The following NALCN variants were observed in gnomAD, a reference collection of about 807,000 sequenced individuals.
NALCN encodes sodium leak channel NALCN.
Under a neutral mutation model 225.3 loss-of-function variants are expected in NALCN, and 111 were observed. The observed-to-expected ratio is 0.49, with a 90% CI of 0.42 to 0.58. NALCN has a LOEUF of 0.58. Among genes scored for constraint, NALCN ranks in the 20% least tolerant of loss-of-function variants. The pLI is 0.00. For synonymous variants in NALCN, 764 were observed against 769.0 expected (o/e 0.99, Z 0.11); for missense variants, 1,378 against 2,202.4 (o/e 0.63, Z 7.49).
chr13:101,269,604 T>C lies in NALCN; in HGVS notation c.1135-11030A>G, dbSNP rs557028565. Among the ~76,000 whole-genome samples, 208 of 152,214 alleles carry C rather than the reference T, an allele frequency of 1.4e-3. 1 individual carries two copies. In the Middle Eastern group the frequency reaches 0.017, roughly 12 times the overall value. ...ATCTTTGGCATGTATTAATACAAAG[T>C]GAGTAAAACAAATTAGGACACTAGA... On this transcript the variant is annotated intron_variant, in intron 10 of 43. Coordinates refer to ENST00000251127, the MANE Select transcript of NALCN (RefSeq NM_052867.4).
At chr13:101,386,755 C>T (rs928469001) in intron 3 of NALCN, among the ~76,000 whole-genome samples, 1 of 152,022 alleles carries the variant, frequency 6.6e-6, no homozygotes, top group African/African-American at 2.4e-5. Context: ...CATTGGATAA[C>T]ACTACTTTAA....
chr13:101,254,869 C>G (rs1424868978), intron 11 of NALCN, among the ~76,000 whole-genome samples: 1 of 51,168 alleles, frequency 2.0e-5, no homozygotes, highest in African/African-American at 5.6e-5. Context: ...CCAGCCTGGG[C>G]GACAGAGCGA....
chr13:101,326,933 A>G (rs753287952), intron 7 of NALCN, among the ~76,000 whole-genome samples: 63 of 152,214 alleles, frequency 4.1e-4, no homozygotes, highest in Middle Eastern at 6.8e-3. Context: ...GCTTCTCTCC[A>G]TGGTCATCTT....
chr13:101,312,798 C>T (rs937135080), intron 7 of NALCN, among the ~76,000 whole-genome samples: 12 of 152,068 alleles, frequency 7.9e-5, no homozygotes, highest in African/African-American at 2.7e-4. Flanking sequence ...GTCAAGCTAC[C>T]AATGACTTTC....
At chr13:101,363,434 T>C (rs545436923) in intron 6 of NALCN, among the ~76,000 whole-genome samples, 1 of 151,996 alleles carries the variant, frequency 6.6e-6, no homozygotes, top group African/African-American at 2.4e-5. Context: ...AATAAATACA[T>C]GCTTTTACAG....
chr13:101,403,738 T>C (rs1366985749), intron 1 of NALCN, among the ~76,000 whole-genome samples: 1 of 152,208 alleles, frequency 6.6e-6, no homozygotes, highest in Non-Finnish European at 1.5e-5. Flanking sequence ...GTGGGGTCTT[T>C]AGGAGTGCAA....
chr13:101,362,906 C>A (rs2046286882), intron 6 of NALCN, among the ~76,000 whole-genome samples: 1 of 151,896 alleles, frequency 6.6e-6, no homozygotes, highest in South Asian at 2.1e-4. Flanking sequence ...GATACAAAAC[C>A]AACATACAAA....
intron 6 of NALCN, among the ~76,000 whole-genome samples, chr13:101,355,511 T>C (rs1219733580): frequency 6.6e-6 from 1 of 152,118 alleles, no homozygotes; most frequent in Non-Finnish European, 1.5e-5. Context: ...ATCCTAAATA[T>C]ATATGCACCC....
At chr13:101,187,136 A>C (rs1372754822) in intron 14 of NALCN, among the ~76,000 whole-genome samples, 1 of 152,194 alleles carries the variant, frequency 6.6e-6, no homozygotes, top group Non-Finnish European at 1.5e-5. Context: ...CATTTTGAAA[A>C]GGAGAGATGG....
At chr13:101,112,882 T>A (rs2035519659) in intron 18 of NALCN, among the ~76,000 whole-genome samples, 1 of 152,118 alleles carries the variant, frequency 6.6e-6, no homozygotes, top group Admixed American at 6.6e-5. Flanking sequence ...CATTTTTAAG[T>A]ATTTAAATAT....
In NALCN at chr13:101,207,955, G is replaced by A. The variant is rs190418677; in HGVS notation, c.1627-15901C>T. On this transcript the variant is annotated intron_variant, in intron 13 of 43. Coordinates refer to ENST00000251127, the MANE Select transcript of NALCN (RefSeq NM_052867.4). Reference sequence around the variant, plus strand: ...TCACTCCTGAAGCCAGCGAGACCACGAACCCACCGGAAGGAATGAACAACT... The same window carrying A: ...TCACTCCTGAAGCCAGCGAGACCACAAACCCACCGGAAGGAATGAACAACT... 8.8e-3 allele frequency among the ~76,000 whole-genome samples: 1,345 copies of A among 152,188 alleles called. 10 individuals carry two copies. The highest frequency in any genetic ancestry group is 0.013 in the Non-Finnish European group (894 of 68,008).
intron 18 of NALCN, among the ~76,000 whole-genome samples, chr13:101,118,889 C>T (rs757718737): frequency 1.1e-4 from 17 of 152,148 alleles, no homozygotes; most frequent in South Asian, 2.1e-4. Context: ...GTCCAGGGGA[C>T]GCTGTAAGGT....
intron 17 of NALCN, among the ~76,000 whole-genome samples, chr13:101,132,968 A>G (rs931674001): frequency 1.3e-5 from 2 of 152,182 alleles, no homozygotes; most frequent in Non-Finnish European, 2.9e-5. Flanking sequence ...ACTCTGAAGC[A>G]CTGAAAGAGA....
intron 37 of NALCN, 102 bp downstream of exon 37, chr13:101,073,482 A>G (rs2033038311): frequency 1.1e-6 from 1 of 894,748 alleles, no homozygotes; most frequent in Non-Finnish European, 1.7e-6. Flanking sequence ...TATTTCATAC[A>G]TAAAGTCTTA....
chr13:101,293,684 G>T (rs1448295231), intron 7 of NALCN, among the ~76,000 whole-genome samples: 1 of 152,268 alleles, frequency 6.6e-6, no homozygotes, highest in African/African-American at 2.4e-5. Context: ...CAGAATCAGA[G>T]CAACAGCAAA....
chr13:101,400,583 A>G (rs35267814), intron 1 of NALCN, among the ~76,000 whole-genome samples: 83,059 of 139,478 alleles, frequency 0.6, 23,053 homozygotes, highest in East Asian at 0.78. Flanking sequence ...GTGTGTGTGC[A>G]CGTGTGTGCG....
intron 7 of NALCN, among the ~76,000 whole-genome samples, chr13:101,307,521 G>A (rs919154080): frequency 6.6e-6 from 1 of 152,176 alleles, no homozygotes; most frequent in Non-Finnish European, 1.5e-5. Context: ...ATCCGTGCTC[G>A]CCTCCACAGA....
At chr13:101,118,610 A>C (rs1201031372) in intron 18 of NALCN, among the ~76,000 whole-genome samples, 1 of 152,132 alleles carries the variant, frequency 6.6e-6, no homozygotes, top group Non-Finnish European at 1.5e-5. Flanking sequence ...AACTTATCAG[A>C]GTTTTTAAGT....
rs148464072 is a variant in NALCN at position 101,218,063 on chromosome 13, G to C, written c.1626+11330C>G. 3.3e-5 allele frequency among the ~76,000 whole-genome samples: 5 copies of C among 152,238 alleles called. No individual in the cohort carries two copies. The East Asian group carries it at 9.7e-4, about 29-fold the overall frequency. On this transcript the variant is annotated intron_variant, in intron 13 of 43. Coordinates refer to ENST00000251127, the MANE Select transcript of NALCN (RefSeq NM_052867.4). Reference sequence around the variant, plus strand: ...CCAAAGCCAGTAATTTTAATTCTAGGAATGACCCTGTTACTCAATCCTGCC... The same window carrying C: ...CCAAAGCCAGTAATTTTAATTCTAGCAATGACCCTGTTACTCAATCCTGCC...
Sources: allele counts gnomAD v4.1 joint callset (sites outside exome capture counted in the v4.1 genomes callset), GRCh38; gene constraint gnomAD v4.1.1; transcripts MANE v1.5; gene names NCBI Gene and HGNC (gene_info 2026-07-23, HGNC 2026-07-21).